FGF12: variants seen among roughly 807,000 people sequenced by gnomAD.
The protein encoded by FGF12 is fibroblast growth factor 12.
Under a neutral mutation model 23.6 loss-of-function variants are expected in FGF12, and 14 were observed. The ratio of observed to expected loss-of-function variants is 0.59; its 90% CI spans 0.39 to 0.93. FGF12 has a LOEUF of 0.93. FGF12 is among the 40% of genes least tolerant of loss of function. The pLI is 0.00. For missense variants in FGF12, 175 were observed against 217.8 expected, an observed-to-expected ratio of 0.80 and a Z score of 1.24; for synonymous variants, 62 against 77.3, an observed-to-expected ratio of 0.80 and a Z score of 1.04.
intron 2 of FGF12, among the ~76,000 whole-genome samples, chr3:192,551,882 T>C (rs879759375): frequency 2.2e-4 from 33 of 151,956 alleles, no homozygotes; most frequent in Non-Finnish European, 1.6e-4. Context: ...AAAAAGTTGA[T>C]ATAAACAAAT....
At chr3:192,613,358 G>T (rs962383231) in intron 2 of FGF12, among the ~76,000 whole-genome samples, 10 of 151,740 alleles carry the variant, frequency 6.6e-5, no homozygotes, top group Non-Finnish European at 1.5e-4. Flanking sequence ...CCCCTCACAG[G>T]TATACCACAG....
At chr3:192,240,220 T>C (rs1719536580) in intron 4 of FGF12, among the ~76,000 whole-genome samples, 1 of 152,182 alleles carries the variant, frequency 6.6e-6, no homozygotes, top group Non-Finnish European at 1.5e-5. Context: ...CGATGACTGA[T>C]AGATCCCATA....
intron 4 of FGF12, among the ~76,000 whole-genome samples, chr3:192,246,984 A>C (rs138976993): frequency 6.7e-6 from 1 of 148,262 alleles, no homozygotes; most frequent in Non-Finnish European, 1.5e-5. Context: ...AAAGGCAGGG[A>C]AGGAAGGGAG....
chr3:192,447,839 A>AC (rs1722404831), intron 2 of FGF12, among the ~76,000 whole-genome samples: 1 of 152,186 alleles, frequency 6.6e-6, no homozygotes. Flanking sequence ...CATAGCTACC[A>AC]CGCAGATCAA....
rs1722866019 is a variant in FGF12, at chr3:192,461,704, C to G, written c.14-101166G>C. 3.3e-5 allele frequency among the ~76,000 whole-genome samples: 5 copies of G among 151,986 alleles called. No homozygotes were observed. The South Asian group carries it at 1.0e-3, about 32-fold the overall frequency. On this transcript the variant is annotated intron_variant, in intron 2 of 5. Transcript: ENST00000445105. ...AGATGTTTTTTAAAAATCATTATTA[C>G]TTGGCCAGGCACGGTGGCTCATACC... is the stretch of plus-strand genomic sequence containing the variant.
At chr3:192,201,595 A>T (rs937496070) in intron 4 of FGF12, among the ~76,000 whole-genome samples, 1 of 152,120 alleles carries the variant, frequency 6.6e-6, no homozygotes, top group Non-Finnish European at 1.5e-5. Flanking sequence ...TTGAATAGGA[A>T]CCCAGTCTTA....
rs192793774 is a variant in FGF12 at position 192,687,027 on chromosome 3, C to T, written c.13+40154G>A. 2.4e-3 allele frequency among the ~76,000 whole-genome samples: 367 copies of T among 151,250 alleles called. 1 individual carries two copies. The highest frequency in any genetic ancestry group is 8.7e-3 in the African/African-American group (357 of 41,246). On this transcript the variant is annotated intron_variant, in intron 2 of 5. Transcript: ENST00000445105. Reference sequence around the variant, plus strand: ...TGTATTTTTAGTAGAGACGGGGTTTCACCATCTTAGCCAGGATGGTCTCCA... The same window carrying T: ...TGTATTTTTAGTAGAGACGGGGTTTTACCATCTTAGCCAGGATGGTCTCCA...
At chr3:192,310,720 A>G (rs1715890077) in intron 4 of FGF12, among the ~76,000 whole-genome samples, 1 of 152,314 alleles carries the variant, frequency 6.6e-6, no homozygotes, top group Non-Finnish European at 1.5e-5. Context: ...GATATGTATA[A>G]TTTTTTTAAG....
intron 4 of FGF12, among the ~76,000 whole-genome samples, chr3:192,311,298 C>A (rs1715919393): frequency 1.3e-5 from 2 of 152,104 alleles, no homozygotes; most frequent in Admixed American, 6.6e-5. Context: ...AGCTGTGAAC[C>A]CCTTCCATTC....
rs1013765924 is a variant in FGF12 at position 192,537,648 on chromosome 3, T to A, written c.14-177110A>T. On this transcript the variant is annotated intron_variant, in intron 2 of 5. Transcript: ENST00000445105. ...TATTTTTTATTCAGATTAATGGATT[T>A]TTTCCCTATTGAGTTGTTTGAGCTT... Among the ~76,000 whole-genome samples, 4 of 152,230 alleles carry A rather than the reference T, an allele frequency of 2.6e-5. No individual in the cohort carries two copies. In the East Asian group the frequency reaches 7.7e-4, roughly 29 times the overall value.
intron 2 of FGF12, among the ~76,000 whole-genome samples, chr3:192,534,928 T>C (rs949682225): frequency 3.3e-5 from 5 of 152,198 alleles, no homozygotes; most frequent in African/African-American, 1.2e-4. Context: ...TTTCAGTGGA[T>C]ACTTTGATTT....
chr3:192,528,642 A>G lies in FGF12; in HGVS notation c.14-168104T>C, dbSNP rs549277752. On this transcript the variant is annotated intron_variant, in intron 2 of 5. Transcript: ENST00000445105. Reference sequence around the variant, plus strand: ...CACACTGCCCTAGCAGAGGTTCTCTATGAGAGCCCTGCCCCTGCAGCAAAA... The same window carrying G: ...CACACTGCCCTAGCAGAGGTTCTCTGTGAGAGCCCTGCCCCTGCAGCAAAA... Among the ~76,000 whole-genome samples the G allele has an allele frequency of 4.6e-5, 7 of 152,266 alleles. No homozygotes were observed. In the South Asian group the frequency reaches 1.2e-3, roughly 27 times the overall value.
At chr3:192,606,039 A>G (rs1714323951) in intron 2 of FGF12, among the ~76,000 whole-genome samples, 1 of 152,232 alleles carries the variant, frequency 6.6e-6, no homozygotes, top group African/African-American at 2.4e-5. Flanking sequence ...AAAAGGAAAT[A>G]AATTATTCTA....
intron 2 of FGF12, among the ~76,000 whole-genome samples, chr3:192,503,864 T>A (rs942670704): frequency 1.3e-5 from 2 of 152,114 alleles, no homozygotes; most frequent in African/African-American, 4.8e-5. Context: ...GGAATATAAA[T>A]CATTCTACCA....
chr3:192,291,852 T>C (rs1425648213), intron 4 of FGF12, among the ~76,000 whole-genome samples: 1 of 152,164 alleles, frequency 6.6e-6, no homozygotes, highest in Non-Finnish European at 1.5e-5. Context: ...GAGCAAAAGA[T>C]TGTGAATCTT....
chr3:192,316,478 G>T (rs1192080080), intron 4 of FGF12, among the ~76,000 whole-genome samples: 1 of 152,166 alleles, frequency 6.6e-6, no homozygotes, highest in East Asian at 1.9e-4. Flanking sequence ...CAGTGGTTGT[G>T]GGGCTCTGCA....
intron 2 of FGF12, among the ~76,000 whole-genome samples, chr3:192,520,378 T>C: frequency 6.6e-6 from 1 of 152,226 alleles, no homozygotes; most frequent in East Asian, 1.9e-4. Flanking sequence ...ACTTATTTAT[T>C]AAATCCTACT....
At chr3:192,224,071 G>T (rs67603125) in intron 4 of FGF12, among the ~76,000 whole-genome samples, 2 of 152,018 alleles carry the variant, frequency 1.3e-5, no homozygotes, top group African/African-American at 4.8e-5. Context: ...TTGCCTCAGG[G>T]TAGGGATTTT....
At chr3:192,156,500 G>A (rs1391108791) in intron 5 of FGF12, among the ~76,000 whole-genome samples, 2 of 152,126 alleles carry the variant, frequency 1.3e-5, no homozygotes, top group Non-Finnish European at 2.9e-5. Flanking sequence ...CACAGTTTCA[G>A]TACCCAAATT....
Sources: gnomAD v4.1 joint callset for allele counts (sites outside exome capture counted in the v4.1 genomes callset) on GRCh38, gnomAD v4.1.1 for gene constraint, MANE v1.5 for transcripts, NCBI Gene and HGNC (gene_info 2026-07-23, HGNC 2026-07-21) for gene names.